Variants in DNAH3 observed in about 807,000 individuals in gnomAD.
The protein encoded by DNAH3 is dynein axonemal heavy chain 3, also known as axonemal beta dynein heavy chain 3.
DNAH3 carries 332 observed loss-of-function variants against 432.5 expected under a neutral mutation model. The observed-to-expected ratio is 0.77, with a 90% CI of 0.70 to 0.84. The LOEUF is 0.84. Among genes scored for constraint, DNAH3 ranks in the 40% least tolerant of loss-of-function variants. DNAH3 has a pLI of 0.00. For missense variants in DNAH3, 4,861 were observed against 5,114.0 expected, an observed-to-expected ratio of 0.95 and a Z score of 1.51; for synonymous variants, 1,956 against 1,900.2, an observed-to-expected ratio of 1.03 and a Z score of -0.76.
At chr16:21,134,261 T>G (rs1296025030) in exon 7 of DNAH3, 5 of 1,608,860 alleles carry the variant, frequency 3.1e-6, no homozygotes, top group Non-Finnish European at 4.2e-6. Flanking sequence ...CTTCTTACTC[T>G]GCAAACCACA....
At chr16:21,049,953 T>C in exon 30 of DNAH3, 1 of 1,614,194 alleles carries the variant, frequency 6.2e-7, no homozygotes, top group Non-Finnish European at 8.5e-7. Context: ...GGTTTCTGTC[T>C]TGCCAGTCCC....
In DNAH3 at chr16:21,118,173, A is replaced by T. The variant is rs371649847; in HGVS notation, c.1700-856T>A. ...CAGCTAATTTTTGTATTTTTAGTAGAGACAGAGCTTCACCATGTTGGCCAG... is the reference window on the plus strand; with the variant it reads ...CAGCTAATTTTTGTATTTTTAGTAGTGACAGAGCTTCACCATGTTGGCCAG... On this transcript the variant is annotated intron_variant, in intron 11 of 61. Coordinates refer to ENST00000261383, the Ensembl canonical transcript of DNAH3. 9.9e-5 allele frequency among the ~76,000 whole-genome samples: 15 copies of T among 151,852 alleles called. No individual in the cohort carries two copies. The South Asian group carries it at 2.7e-3, about 27-fold the overall frequency.
chr16:20,950,202 G>A (rs771549170), intron 56 of DNAH3, among the ~76,000 whole-genome samples: 10 of 152,200 alleles, frequency 6.6e-5, no homozygotes, highest in African/African-American at 2.2e-4. Context: ...CACTGTATGC[G>A]TACTGTGTGT....
intron 9 of DNAH3, among the ~76,000 whole-genome samples, chr16:21,124,505 T>C (rs527292613): frequency 2.7e-4 from 41 of 152,344 alleles, no homozygotes; most frequent in East Asian, 9.6e-4. Flanking sequence ...ACTGGACTTC[T>C]TAAGATTTTA....
chr16:20,973,881 T>G (rs2085456504), intron 51 of DNAH3, among the ~76,000 whole-genome samples: 1 of 152,160 alleles, frequency 6.6e-6, no homozygotes, highest in Admixed American at 6.6e-5. Context: ...GCATTCTGTG[T>G]AGAGGGAACA....
intron 51 of DNAH3, 54 bp from the exon 52 acceptor site, chr16:20,970,044 G>C (rs1177595939): frequency 1.3e-6 from 2 of 1,537,346 alleles, no homozygotes; most frequent in African/African-American, 1.4e-5. Flanking sequence ...GGCACAATGG[G>C]GGCGAAGCAG....
chr16:20,992,845 T>G (rs1391613966), intron 44 of DNAH3, among the ~76,000 whole-genome samples: 2 of 152,180 alleles, frequency 1.3e-5, no homozygotes, highest in African/African-American at 4.8e-5. Context: ...AACTTTTGCC[T>G]AACTTCTTTT....
At chr16:21,004,678 T>G (rs1375414516) in intron 41 of DNAH3, among the ~76,000 whole-genome samples, 2 of 151,992 alleles carry the variant, frequency 1.3e-5, no homozygotes, top group African/African-American at 4.8e-5. Context: ...CTTCCCCGTC[T>G]CTTTCTTTCC....
intron 44 of DNAH3, among the ~76,000 whole-genome samples, chr16:20,989,072 G>C (rs374725142): frequency 2.2e-4 from 33 of 152,184 alleles, no homozygotes; most frequent in Non-Finnish European, 3.8e-4. Flanking sequence ...AAGAGCGAAA[G>C]AACAAAGCTT....
intron 18 of DNAH3, among the ~76,000 whole-genome samples, chr16:21,088,836 T>C (rs1462338096): frequency 6.6e-6 from 1 of 152,212 alleles, no homozygotes; most frequent in East Asian, 1.9e-4. Context: ...GCTGAAGTCA[T>C]TCTTCAAGGT....
At chr16:21,026,917 A>G (rs527268946) in intron 38 of DNAH3, 110 bp downstream of exon 38, 478 of 709,476 alleles carry the variant, frequency 6.7e-4, no homozygotes, top group Non-Finnish European at 1.1e-3. Context: ...ATAATAATGT[A>G]GATGATCTGC....
intron 20 of DNAH3, among the ~76,000 whole-genome samples, chr16:21,080,459 A>G (rs1363635879): frequency 6.6e-6 from 1 of 152,198 alleles, no homozygotes; most frequent in Non-Finnish European, 1.5e-5. Flanking sequence ...GGTATTTTGC[A>G]TTCTTTTTTC....
At chr16:21,135,962 T>TAAG (rs60227898) in intron 6 of DNAH3, among the ~76,000 whole-genome samples, 37,137 of 151,796 alleles carry the variant, frequency 0.24, 4,627 homozygotes, top group East Asian at 0.31. Context: ...ATCTGCATTT[T>TAAG]AAGATCTGCA....
intron 53 of DNAH3, among the ~76,000 whole-genome samples, chr16:20,962,691 C>T (rs1476283707): frequency 6.6e-6 from 1 of 152,182 alleles, no homozygotes; most frequent in Admixed American, 6.5e-5. Flanking sequence ...GGGGCAGGGT[C>T]TGTCACCTAG....
At chr16:20,940,758 T>C (rs1396349706) in intron 59 of DNAH3, among the ~76,000 whole-genome samples, 3 of 151,898 alleles carry the variant, frequency 2.0e-5, no homozygotes, top group Admixed American at 1.3e-4. Context: ...ATGAGACCCA[T>C]GCATAGTGCT....
chr16:20,965,776 G>A (rs952293548), intron 52 of DNAH3, among the ~76,000 whole-genome samples: 5 of 152,060 alleles, frequency 3.3e-5, no homozygotes, highest in South Asian at 4.1e-4. Flanking sequence ...TCAGTGGCAC[G>A]ATCTTGGCTC....
chr16:21,025,785 G>A (rs1461409753), intron 38 of DNAH3, among the ~76,000 whole-genome samples: 1 of 152,036 alleles, frequency 6.6e-6, no homozygotes, highest in African/African-American at 2.4e-5. Flanking sequence ...CCAGGCTGGA[G>A]TGCAGTAGTG....
chr16:21,001,988 T>A (rs2087043157), intron 42 of DNAH3, among the ~76,000 whole-genome samples: 1 of 152,192 alleles, frequency 6.6e-6, no homozygotes, highest in South Asian at 2.1e-4. Flanking sequence ...GACTAAGCTC[T>A]TTTTGGAGAA....
At chr16:21,081,362 G>C (rs1432569873) in intron 20 of DNAH3, among the ~76,000 whole-genome samples, 2 of 148,446 alleles carry the variant, frequency 1.3e-5, no homozygotes, top group East Asian at 3.9e-4. Context: ...TGGGCTTGAA[G>C]CTCAGGTTCA....
Sources: gnomAD v4.1 joint callset for allele counts (sites outside exome capture counted in the v4.1 genomes callset) on GRCh38, gnomAD v4.1.1 for gene constraint, MANE v1.5 for transcripts, NCBI Gene and HGNC (gene_info 2026-07-23, HGNC 2026-07-21) for gene names.